The following MCUB variants were observed in gnomAD, a reference collection of about 807,000 sequenced individuals.
MCUB encodes the protein mitochondrial calcium uniporter dominant negative subunit beta, also known as calcium uniporter regulatory subunit MCUb, mitochondrial.
In MCUB, 46 loss-of-function variants were observed where a neutral mutation model predicts 41.4. The ratio of observed to expected loss-of-function variants is 1.11; its 90% confidence interval spans 0.88 to 1.42. MCUB has a LOEUF of 1.42. Among genes scored for constraint, MCUB ranks in the 40% most tolerant of loss-of-function variants. MCUB has a pLI of 0.00. For synonymous variants in MCUB, 148 were observed against 148.2 expected (o/e 1.00, Z 0.01); for missense variants, 403 against 404.9 (o/e 1.00, Z 0.04).
At chr4:109,611,951 AGACTT>A (rs1258537936) in intron 1 of MCUB, among the ~76,000 whole-genome samples, 3 of 152,248 alleles carry the variant, frequency 2.0e-5, no homozygotes, top group African/African-American at 7.2e-5. Flanking sequence ...CTCCTCGACT[AGACTT>A]GTAGTGTGAA....
chr4:109,577,711 C>T (rs574058156), intron 1 of MCUB, among the ~76,000 whole-genome samples: 1 of 77,270 alleles, frequency 1.3e-5, no homozygotes, highest in East Asian at 3.9e-4. Flanking sequence ...CCGGGGTTCA[C>T]GCCATTCTCC....
chr4:109,630,600 G>A (rs1398453953), intron 1 of MCUB, among the ~76,000 whole-genome samples: 6 of 151,962 alleles, frequency 3.9e-5, no homozygotes, highest in African/African-American at 1.5e-4. Flanking sequence ...TGTTTTTTGA[G>A]ATGGATTTTT....
At chr4:109,647,825 T>A (rs1728872046) in intron 1 of MCUB, among the ~76,000 whole-genome samples, 1 of 152,156 alleles carries the variant, frequency 6.6e-6, no homozygotes, top group South Asian at 2.1e-4. Flanking sequence ...GTAAAAGGGA[T>A]GTAGAACTGC....
At chr4:109,582,644 A>G (rs778363003) in intron 1 of MCUB, among the ~76,000 whole-genome samples, 1 of 150,914 alleles carries the variant, frequency 6.6e-6, no homozygotes, top group Admixed American at 6.6e-5. Context: ...GTCCTTGTCC[A>G]TGCCTGTGTC....
chr4:109,592,774 G>A (rs1727468038), intron 1 of MCUB, among the ~76,000 whole-genome samples: 1 of 152,050 alleles, frequency 6.6e-6, no homozygotes, highest in Non-Finnish European at 1.5e-5. Flanking sequence ...ACACTTTCAG[G>A]AGTTTTGACA....
intron 1 of MCUB, among the ~76,000 whole-genome samples, chr4:109,605,908 T>C (rs896649416): frequency 6.6e-6 from 1 of 152,150 alleles, no homozygotes; most frequent in African/African-American, 2.4e-5. Context: ...AGTCTATGTG[T>C]CTCTTTGTGA....
At position 109,660,201 on chromosome 4, in the gene MCUB, C is replaced by G. The variant is rs1172359938; in HGVS notation, c.182C>G (p.Thr61Arg). Residue 61 changes from threonine to arginine, a missense_variant, in exon 3 of 8, where the codon ACA becomes AGA. Physicochemically the swap from Thr to Arg is moderately conservative, Grantham distance 71. Transcript: ENST00000394650. ...TTCTTTTTTTCCTTAACAGAAATAA[C>G]AGTTATTTATAGACATGGCCTTCCC... Reference protein sequence around the residue: ...YSTVVPPDEITVIYRHGLPLV... With the variant: ...YSTVVPPDEIRVIYRHGLPLV... 8.8e-6 allele frequency: 13 copies of G among 1,472,510 alleles called. No homozygotes were observed. Among genetic ancestry groups the G allele is most frequent in the African/African-American group, 1.4e-5 (1 of 69,812 alleles). 91.2% of individuals were successfully genotyped at this position (1,472,510 alleles called of 1,614,324 possible).
At chr4:109,560,955 G>C (rs1243459792) in intron 1 of MCUB, 2 of 152,314 alleles carry the variant, frequency 1.3e-5, no homozygotes, top group South Asian at 4.1e-4. Flanking sequence ...CCCTTTCCCA[G>C]AAGGAAGAAA....
At chr4:109,626,018 T>G (rs1045224936) in intron 1 of MCUB, among the ~76,000 whole-genome samples, 1 of 152,216 alleles carries the variant, frequency 6.6e-6, no homozygotes, top group African/African-American at 2.4e-5. Context: ...ATCATCATTT[T>G]AGTTACAAAT....
intron 1 of MCUB, among the ~76,000 whole-genome samples, chr4:109,612,228 A>G (rs1728023916): frequency 6.6e-6 from 1 of 150,488 alleles, no homozygotes; most frequent in African/African-American, 2.4e-5. Flanking sequence ...AGGAGGAGAG[A>G]GAAAGCTCTG....
chr4:109,603,238 G>C (rs1430859647), intron 1 of MCUB, among the ~76,000 whole-genome samples: 1 of 152,210 alleles, frequency 6.6e-6, no homozygotes. Flanking sequence ...TGGGATTGCA[G>C]GCGCGCGCCG....
intron 4 of MCUB, 71 bp downstream of exon 4, chr4:109,664,465 C>A: frequency 1.5e-6 from 1 of 647,664 alleles, no homozygotes; most frequent in Non-Finnish European, 2.7e-6. Flanking sequence ...TGCTCTGTTT[C>A]CCAGGCTGGA....
intron 1 of MCUB, among the ~76,000 whole-genome samples, chr4:109,637,482 A>G (rs1165027543): frequency 6.6e-6 from 1 of 152,254 alleles, no homozygotes; most frequent in Non-Finnish European, 1.5e-5. Flanking sequence ...CAATTGCAAA[A>G]CTATGGAACC....
intron 1 of MCUB, among the ~76,000 whole-genome samples, chr4:109,614,708 C>T (rs1728088795): frequency 6.6e-6 from 1 of 151,044 alleles, no homozygotes; most frequent in Non-Finnish European, 1.5e-5. Context: ...TGCATTTCCC[C>T]ACTTTTCATC....
chr4:109,579,339 TC>T (rs1289546391), intron 1 of MCUB, among the ~76,000 whole-genome samples: 1 of 151,960 alleles, frequency 6.6e-6, no homozygotes, highest in Non-Finnish European at 1.5e-5. Flanking sequence ...AACCTCCTGC[TC>T]CTGGGTTCAA....
intron 4 of MCUB, among the ~76,000 whole-genome samples, chr4:109,672,993 C>T (rs563498513): frequency 1.9e-4 from 29 of 152,182 alleles, no homozygotes; most frequent in Non-Finnish European, 3.1e-4. Flanking sequence ...GAACATTATG[C>T]GGGATTTTCA....
rs1296306638 is a variant in MCUB at position 109,627,196 on chromosome 4, A to G, written c.100-31815A>G. On this transcript the variant is annotated intron_variant, in intron 1 of 7. Coordinates refer to ENST00000394650, the MANE Select transcript of MCUB (RefSeq NM_017918.5). ...ATTTCCTCAATATACTTTATGCCCA[A>G]ATAAATCCTAATTCTTCACTTTTTT... Among the ~76,000 whole-genome samples, 3 of 151,250 alleles carry G rather than the reference A, an allele frequency of 2.0e-5. No individual in the cohort carries two copies. The East Asian group carries it at 5.8e-4, about 29-fold the overall frequency.
At chr4:109,619,889 G>C (rs190903790) in intron 1 of MCUB, among the ~76,000 whole-genome samples, 1 of 152,264 alleles carries the variant, frequency 6.6e-6, no homozygotes, top group East Asian at 1.9e-4. Flanking sequence ...TTGTGAAGTA[G>C]GTACTGTTAT....
intron 1 of MCUB, among the ~76,000 whole-genome samples, chr4:109,606,350 A>G (rs1727869943): frequency 1.3e-5 from 2 of 151,688 alleles, no homozygotes; most frequent in African/African-American, 4.8e-5. Flanking sequence ...ATTTACATTC[A>G]ATGTTATTAT....
Sources: allele counts gnomAD v4.1 joint callset (sites outside exome capture counted in the v4.1 genomes callset), GRCh38; gene constraint gnomAD v4.1.1; transcripts MANE v1.5; gene names NCBI Gene and HGNC (gene_info 2026-07-23, HGNC 2026-07-21).